TAFA4: variants seen among roughly 807,000 people sequenced by gnomAD.
The protein encoded by TAFA4 is TAFA chemokine like family member 4.
Under a neutral mutation model 21.1 loss-of-function variants are expected in TAFA4, and 20 were observed. The ratio of observed to expected loss-of-function variants is 0.95; its 90% CI spans 0.67 to 1.38. The LOEUF (loss-of-function observed/expected upper bound fraction) is 1.38, where lower values mean the gene tolerates loss of function less well. Ranked by LOEUF, TAFA4 falls within the 40% of genes most tolerant of loss-of-function variation. TAFA4 has a pLI of 0.00. For missense variants in TAFA4, 211 were observed against 180.9 expected (o/e 1.17, Z -0.95); for synonymous variants, 71 against 67.4 (o/e 1.05, Z -0.26).
chr3:68,905,766 TA>T (rs1456713343), intron 1 of TAFA4, among the ~76,000 whole-genome samples: 1 of 152,186 alleles, frequency 6.6e-6, no homozygotes, highest in Non-Finnish European at 1.5e-5. Context: ...ACATCTGTTA[TA>T]ATCAGGAGTT....
At chr3:68,885,625 C>T (rs564039498) in intron 1 of TAFA4, among the ~76,000 whole-genome samples, 68 of 152,226 alleles carry the variant, frequency 4.5e-4, no homozygotes, top group African/African-American at 1.6e-3. Context: ...TTTCACTCTC[C>T]CATTTCATTG....
chr3:68,790,478 A>C (rs1399634233), intron 3 of TAFA4, among the ~76,000 whole-genome samples: 1 of 152,216 alleles, frequency 6.6e-6, no homozygotes, highest in African/African-American at 2.4e-5. Context: ...ACAAATTAAA[A>C]GAGAGATTAT....
At chr3:68,901,600 G>A (rs1347912773) in intron 1 of TAFA4, among the ~76,000 whole-genome samples, 1 of 152,108 alleles carries the variant, frequency 6.6e-6, no homozygotes, top group African/African-American at 2.4e-5. Flanking sequence ...TTCCAGGAAC[G>A]ATATATCAAG....
At chr3:68,779,269 C>A (rs892723625) in intron 3 of TAFA4, among the ~76,000 whole-genome samples, 2 of 152,034 alleles carry the variant, frequency 1.3e-5, no homozygotes, top group Admixed American at 6.6e-5. Flanking sequence ...ACAGCATAAA[C>A]GTTTGGAAAA....
chr3:68,883,751 CT>C (rs199745741), intron 2 of TAFA4, among the ~76,000 whole-genome samples: 10 of 151,992 alleles, frequency 6.6e-5, no homozygotes, highest in South Asian at 2.1e-4. Context: ...ACGTATGGGA[CT>C]TTTTTTTATT....
chr3:68,849,687 A>G (rs1704896894), intron 3 of TAFA4, among the ~76,000 whole-genome samples: 1 of 152,218 alleles, frequency 6.6e-6, no homozygotes, highest in Admixed American at 6.5e-5. Flanking sequence ...ATGACGTATA[A>G]TACAACATTA....
At chr3:68,858,796 A>G (rs1705131399) in intron 3 of TAFA4, among the ~76,000 whole-genome samples, 1 of 152,138 alleles carries the variant, frequency 6.6e-6, no homozygotes, top group African/African-American at 2.4e-5. Context: ...CCTAGAGCCC[A>G]AACTCTTAAC....
chr3:68,846,936 G>C (rs1258891749), intron 3 of TAFA4, among the ~76,000 whole-genome samples: 1 of 147,866 alleles, frequency 6.8e-6, no homozygotes, highest in Non-Finnish European at 1.5e-5. Flanking sequence ...CCGCTCTCCT[G>C]CATGAGATGT....
At chr3:68,816,190 A>G (rs1265115024) in intron 3 of TAFA4, among the ~76,000 whole-genome samples, 2 of 152,188 alleles carry the variant, frequency 1.3e-5, no homozygotes, top group East Asian at 3.8e-4. Flanking sequence ...GAGGAGGGAT[A>G]GCATTAGGAG....
At chr3:68,865,861 C>A (rs577059042) in intron 3 of TAFA4, among the ~76,000 whole-genome samples, 1 of 152,188 alleles carries the variant, frequency 6.6e-6, no homozygotes, top group South Asian at 2.1e-4. Context: ...GTGAAAAACT[C>A]CAGACAGATG....
intron 3 of TAFA4, among the ~76,000 whole-genome samples, chr3:68,843,718 T>C (rs1341064300): frequency 6.6e-6 from 1 of 152,272 alleles, no homozygotes; most frequent in Non-Finnish European, 1.5e-5. Context: ...TGAGAGTTTT[T>C]AGCACGAAGT....
At chr3:68,858,313 G>C (rs980592806) in intron 3 of TAFA4, among the ~76,000 whole-genome samples, 1 of 152,100 alleles carries the variant, frequency 6.6e-6, no homozygotes, top group South Asian at 2.1e-4. Context: ...GAACAGAATA[G>C]TATCCATCAG....
chr3:68,846,525 G>A (rs9814901), intron 3 of TAFA4, among the ~76,000 whole-genome samples: 47,925 of 151,894 alleles, frequency 0.32, 7,976 homozygotes, highest in Non-Finnish European at 0.37. Context: ...CTGTCAACTC[G>A]TCAAACTCAT....
intron 3 of TAFA4, 107 bp from the exon 4 acceptor site, chr3:68,753,125 G>A (rs541472221): frequency 1.1e-6 from 1 of 934,004 alleles, no homozygotes; most frequent in African/African-American, 1.7e-5. Flanking sequence ...CCTGTGCTAT[G>A]CTTATGAGTC....
intron 3 of TAFA4, among the ~76,000 whole-genome samples, chr3:68,877,759 G>A (rs1319016716): frequency 6.6e-6 from 1 of 152,100 alleles, no homozygotes; most frequent in Non-Finnish European, 1.5e-5. Flanking sequence ...AACCCTGAAG[G>A]CTCTGACCAC....
intron 3 of TAFA4, among the ~76,000 whole-genome samples, chr3:68,857,704 C>T (rs1347362860): frequency 6.6e-6 from 1 of 151,724 alleles, no homozygotes; most frequent in East Asian, 1.9e-4. Flanking sequence ...CCATCACAAA[C>T]ATAATTTGTT....
chr3:68,907,364 T>C (rs1164525267), intron 1 of TAFA4, among the ~76,000 whole-genome samples: 1 of 152,134 alleles, frequency 6.6e-6, no homozygotes, highest in Non-Finnish European at 1.5e-5. Context: ...GCCTGGATCC[T>C]CATATGAAAA....
At chr3:68,767,900 T>G (rs1702886145) in intron 3 of TAFA4, among the ~76,000 whole-genome samples, 1 of 152,072 alleles carries the variant, frequency 6.6e-6, no homozygotes, top group Non-Finnish European at 1.5e-5. Context: ...CTATAAATTT[T>G]CTATCCTTAG....
chr3:68,904,451 G>C (rs2089877558), intron 1 of TAFA4, among the ~76,000 whole-genome samples: 1 of 152,226 alleles, frequency 6.6e-6, no homozygotes. Flanking sequence ...TTGTCATTAT[G>C]AAAGATAAAA....
Sources: allele counts gnomAD v4.1 joint callset (sites outside exome capture counted in the v4.1 genomes callset), GRCh38; gene constraint gnomAD v4.1.1; transcripts MANE v1.5; gene names NCBI Gene and HGNC (gene_info 2026-07-23, HGNC 2026-07-21).